WDR35: variants seen among roughly 807,000 people sequenced by gnomAD.
WDR35 encodes WD repeat domain 35.
A neutral mutation model predicts 158.3 loss-of-function variants in WDR35; 118 were observed. That is an observed-to-expected ratio of 0.75 (90% CI 0.64 to 0.87). The LOEUF is 0.87. WDR35 is among the 40% of genes least tolerant of loss of function. WDR35 has a pLI of 0.00. For missense variants in WDR35, 1,263 were observed against 1,405.8 expected, an observed-to-expected ratio of 0.90 and a Z score of 1.62; for synonymous variants, 448 against 476.1, an observed-to-expected ratio of 0.94 and a Z score of 0.77.
chr2:19,958,280 T>C (rs1671512595), intron 11 of WDR35, among the ~76,000 whole-genome samples: 1 of 152,218 alleles, frequency 6.6e-6, no homozygotes. Context: ...TGCCGTTTTC[T>C]TTCCTTGAAA....
At chr2:19,981,238 A>G (rs1010270178) in intron 3 of WDR35, among the ~76,000 whole-genome samples, 8 of 152,170 alleles carry the variant, frequency 5.3e-5, no homozygotes, top group African/African-American at 1.7e-4. Context: ...AACACTCTTG[A>G]GCATATCTTA....
chr2:19,913,586 C>T lies in WDR35; in HGVS notation c.3485G>A (p.Cys1162Tyr). The T allele has an allele frequency of 6.2e-7, 1 of 1,613,984 alleles. No homozygotes were observed. The highest frequency in any genetic ancestry group is 8.5e-7 in the Non-Finnish European group (1 of 1,179,948). Residue 1162 changes from cysteine to tyrosine, a missense_variant, in exon 27 of 27, where the codon TGC becomes TAC. Transcript: ENST00000281405. ...TCCCACTGGACTATGGCATAAGGGGCAGAAGCTGTAGTGGCTTATTTCCTG... is the reference window on the plus strand; with the variant it reads ...TCCCACTGGACTATGGCATAAGGGGTAGAAGCTGTAGTGGCTTATTTCCTG... ...LAQEISHYSF[C>Y]PLCHSPVG
At chr2:19,920,625 A>C (rs1670140529) in intron 25 of WDR35, among the ~76,000 whole-genome samples, 1 of 152,242 alleles carries the variant, frequency 6.6e-6, no homozygotes, top group African/African-American at 2.4e-5. Flanking sequence ...CCAATATCAT[A>C]CTGAATGGGC....
At chr2:19,983,635 C>T (rs970416443) in intron 2 of WDR35, among the ~76,000 whole-genome samples, 1 of 152,068 alleles carries the variant, frequency 6.6e-6, no homozygotes, top group African/African-American at 2.4e-5. Context: ...TATACCAATG[C>T]TAAAGAAAAT....
intron 11 of WDR35, among the ~76,000 whole-genome samples, chr2:19,955,149 C>T (rs906171485): frequency 1.3e-5 from 2 of 152,116 alleles, no homozygotes; most frequent in Non-Finnish European, 2.9e-5. Flanking sequence ...GACGGGGTTT[C>T]ACCATGTTGG....
At chr2:19,984,002 CATATATATATATATAT>C (rs753374553) in intron 2 of WDR35, among the ~76,000 whole-genome samples, 8 of 89,944 alleles carry the variant, frequency 8.9e-5, no homozygotes, top group Admixed American at 1.4e-4. Context: ...CATTCTAATG[CATATATATATATATAT>C]ATATATATAT....
chr2:19,948,180 T>C lies in WDR35; in HGVS notation c.1508A>G (p.Asp503Gly), dbSNP rs1671116656. ...RDPICAITAS[D>G]KILIVGRESG... ...AAAACTTACCACAATCAATATCTTA[T>C]CTGATGCAGTTATGGCACAAATTGG... is the stretch of plus-strand genomic sequence containing the variant. Residue 503 changes from aspartate (D) to glycine (G), a missense_variant, in exon 14 of 27, where the codon GAT becomes GGT. Asp to Gly is a moderately conservative substitution (Grantham distance 94). Coordinates refer to ENST00000281405, the MANE Select transcript of WDR35 (RefSeq NM_020779.4). 4 of 1,609,432 alleles carry C rather than the reference T, an allele frequency of 2.5e-6. No homozygotes were observed. Among genetic ancestry groups the C allele is most frequent in the African/African-American group, 1.3e-5 (1 of 74,936 alleles).
At chr2:19,975,436 C>T (rs1241636271) in intron 6 of WDR35, 94 bp downstream of exon 6, 18 of 1,306,376 alleles carry the variant, frequency 1.4e-5, no homozygotes, top group East Asian at 8.2e-5. Flanking sequence ...TTACACAAAC[C>T]GCCATAAAAA....
chr2:19,940,206 AAAC>A (rs1254102775), intron 17 of WDR35, among the ~76,000 whole-genome samples: 10 of 151,094 alleles, frequency 6.6e-5, no homozygotes, highest in African/African-American at 2.2e-4. Context: ...AAAAAAAAAA[AAAC>A]ACAAAAAATT....
intron 4 of WDR35, 44 bp from the exon 5 acceptor site, chr2:19,978,923 T>C: frequency 2.5e-6 from 4 of 1,610,122 alleles, no homozygotes; most frequent in South Asian, 1.1e-5. Context: ...AACTTTCACA[T>C]CTATTAAATA....
intron 15 of WDR35, 56 bp downstream of exon 15, chr2:19,946,405 T>C: frequency 7.2e-7 from 1 of 1,396,236 alleles, no homozygotes; most frequent in South Asian, 1.2e-5. Flanking sequence ...AATCTAACAA[T>C]CCCAACTGAT....
Position 19,949,474 on chromosome 2 carries a change from G to A in WDR35, c.1471-1257C>T, listed in dbSNP as rs963492594. Among the ~76,000 whole-genome samples the A allele has an allele frequency of 3.6e-4, 55 of 152,132 alleles. 4 individuals are homozygous for A. The highest frequency in any genetic ancestry group is 2.9e-5 in the Non-Finnish European group (2 of 68,016). On this transcript the variant is annotated intron_variant, in intron 13 of 26. Coordinates refer to ENST00000281405, the MANE Select transcript of WDR35 (RefSeq NM_020779.4). Reference sequence around the variant, plus strand: ...TGGGGAAAACTGAAAGTAGAGAGGCGATTCTGTACTGTTCGATATGGTAGC... The same window carrying A: ...TGGGGAAAACTGAAAGTAGAGAGGCAATTCTGTACTGTTCGATATGGTAGC...
Position 19,989,303 on chromosome 2 carries a change from G to T in WDR35, c.25-21C>A. Reference sequence around the variant, plus strand: ...GAAATCTGAAAAAGCAACCACAGCCGCACTAGCAACTTTTCACGAAGGAGC... The same window carrying T: ...GAAATCTGAAAAAGCAACCACAGCCTCACTAGCAACTTTTCACGAAGGAGC... On this transcript the variant is annotated intron_variant, in intron 1 of 26. Transcript: ENST00000281405. 3 of 1,600,334 alleles carry T rather than the reference G, an allele frequency of 1.9e-6. No individual in the cohort carries two copies. The South Asian group carries it at 3.3e-5, about 18-fold the overall frequency.
chr2:19,951,284 A>AT (rs939887179), intron 13 of WDR35, 131 bp downstream of exon 13: 16 of 837,060 alleles, frequency 1.9e-5, no homozygotes, highest in Admixed American at 2.9e-5. Context: ...ACAGAAGAGG[A>AT]TTTTTTTAAA....
intron 25 of WDR35, among the ~76,000 whole-genome samples, chr2:19,917,233 C>T (rs972899071): frequency 9.2e-5 from 14 of 152,156 alleles, no homozygotes; most frequent in African/African-American, 3.4e-4. Flanking sequence ...AGACCCCATC[C>T]GAAGGTCACC....
chr2:19,938,343 T>G lies in WDR35; in HGVS notation c.1985A>C (p.Asp662Ala), dbSNP rs1285908205. 35 of 1,613,962 alleles carry G rather than the reference T, an allele frequency of 2.2e-5. No individual in the cohort carries two copies. Among genetic ancestry groups the G allele is most frequent in the Non-Finnish European group, 2.9e-5 (34 of 1,180,016 alleles). ...AACCTTCTCAATCAGTGCTCGGCTA[T>G]CTCGCAGAGACCGAATCTCAAAGTT... is the stretch of plus-strand genomic sequence containing the variant. ...LINFEIRSLR[D>A]SRALIEKVGI... The change falls in exon 18 of 27, where the codon GAT becomes GCT. Residue 662 changes from aspartate to alanine, a missense_variant. Physicochemically the swap from Asp to Ala is moderately radical, Grantham distance 126. Coordinates refer to ENST00000281405, the MANE Select transcript of WDR35 (RefSeq NM_020779.4).
intron 13 of WDR35, among the ~76,000 whole-genome samples, chr2:19,949,224 G>A (rs1020376301): frequency 1.3e-5 from 2 of 152,154 alleles, no homozygotes; most frequent in Admixed American, 1.3e-4. Flanking sequence ...ATACATTCAG[G>A]AAATTTCAAG....
At chr2:19,958,344 C>G (rs1412444839) in intron 11 of WDR35, among the ~76,000 whole-genome samples, 1 of 152,130 alleles carries the variant, frequency 6.6e-6, no homozygotes, top group East Asian at 1.9e-4. Context: ...GAAACCTTCT[C>G]TAAGTAGAAA....
intron 10 of WDR35, among the ~76,000 whole-genome samples, chr2:19,964,386 T>C (rs867687022): frequency 4.4e-4 from 65 of 147,342 alleles, no homozygotes; most frequent in African/African-American, 1.4e-3. Flanking sequence ...CTTTTCTTTT[T>C]TTTTTTTTTT....
Sources: allele counts gnomAD v4.1 joint callset (sites outside exome capture counted in the v4.1 genomes callset), GRCh38; gene constraint gnomAD v4.1.1; transcripts MANE v1.5; gene names NCBI Gene and HGNC (gene_info 2026-07-23, HGNC 2026-07-21).